PIK3C2G: variants seen among roughly 807,000 people sequenced by gnomAD.
The protein encoded by PIK3C2G is phosphatidylinositol 3-kinase C2 domain-containing subunit gamma.
Under a neutral mutation model 181.1 loss-of-function variants are expected in PIK3C2G, and 168 were observed. The observed-to-expected ratio is 0.93, with a 90% CI of 0.82 to 1.05. PIK3C2G has a LOEUF of 1.05. Ranked by LOEUF, PIK3C2G falls within the 50% of genes least tolerant of loss-of-function variation. The pLI, the probability that PIK3C2G is intolerant of heterozygous loss-of-function variation, is 0.00. For missense variants in PIK3C2G, 1,869 were observed against 1,732.8 expected, an observed-to-expected ratio of 1.08 and a Z score of -1.40; for synonymous variants, 573 against 592.2, an observed-to-expected ratio of 0.97 and a Z score of 0.47.
chr12:18,598,159 A>G (rs1947482065), intron 30 of PIK3C2G, among the ~76,000 whole-genome samples: 2 of 152,114 alleles, frequency 1.3e-5, no homozygotes, highest in Non-Finnish European at 2.9e-5. Flanking sequence ...TTTAAAGTTC[A>G]TATGGAACCA....
chr12:18,592,881 G>C (rs1327290642), intron 29 of PIK3C2G, among the ~76,000 whole-genome samples: 1 of 151,934 alleles, frequency 6.6e-6, no homozygotes, highest in Non-Finnish European at 1.5e-5. Context: ...TTCAGCATTA[G>C]ATGGTTTGCC....
At position 18,431,541 on chromosome 12, in the gene PIK3C2G, C is replaced by T. The variant is rs949435866; in HGVS notation, c.2504+7502C>T. ...TGTCAGTTTTAAATACTGATAAAGG[C>T]TTACAAATGAATACACAAAGGAGGT... On this transcript the variant is annotated intron_variant, in intron 18 of 32. Coordinates refer to ENST00000538779, the MANE Select transcript of PIK3C2G (RefSeq NM_001288772.2). Among the ~76,000 whole-genome samples, 23 of 152,208 alleles carry T rather than the reference C, an allele frequency of 1.5e-4. No individual in the cohort carries two copies. In the East Asian group the frequency reaches 2.1e-3, roughly 14 times the overall value.
chr12:18,444,629 A>T lies in PIK3C2G; in HGVS notation c.2504+20590A>T, dbSNP rs190489265. On this transcript the variant is annotated intron_variant, in intron 18 of 32. Coordinates refer to ENST00000538779, the MANE Select transcript of PIK3C2G (RefSeq NM_001288772.2). ...GGTGGTGGTGCTGTTGCTGCTGATGATGATGACAAATAACAACAATATCAA... is the reference window on the plus strand; with the variant it reads ...GGTGGTGGTGCTGTTGCTGCTGATGTTGATGACAAATAACAACAATATCAA... Among the ~76,000 whole-genome samples, 133 of 152,300 alleles carry T rather than the reference A, an allele frequency of 8.7e-4. No individual in the cohort carries two copies. The East Asian group carries it at 0.013, about 15-fold the overall frequency.
At chr12:18,624,635 T>C (rs1486732595) in intron 31 of PIK3C2G, among the ~76,000 whole-genome samples, 2 of 151,660 alleles carry the variant, frequency 1.3e-5, no homozygotes, top group African/African-American at 4.8e-5. Flanking sequence ...CATTAAATAT[T>C]TGATAGAATA....
intron 18 of PIK3C2G, among the ~76,000 whole-genome samples, chr12:18,481,308 C>A (rs745384355): frequency 1.3e-5 from 2 of 152,250 alleles, no homozygotes; most frequent in Non-Finnish European, 2.9e-5. Context: ...GCATCAGGCT[C>A]CCGGGTTGAC....
chr12:18,688,481 A>G, the PIK3C2G span, among the ~76,000 whole-genome samples: 4 of 152,002 alleles, frequency 2.6e-5, no homozygotes, highest in Non-Finnish European at 2.9e-5. Context: ...TTTTTGTTTT[A>G]AAATCATTTG....
intron 15 of PIK3C2G, among the ~76,000 whole-genome samples, chr12:18,394,025 T>C (rs374881296): frequency 6.6e-6 from 1 of 152,068 alleles, no homozygotes. Context: ...GTGGAAACTT[T>C]CCAGGGCCTA....
the PIK3C2G span, chr12:18,694,819 T>C: frequency 3.9e-6 from 4 of 1,035,860 alleles, no homozygotes; most frequent in Non-Finnish European, 5.6e-6. Flanking sequence ...TAAAAGAAAT[T>C]GAAGCAAATC....
chr12:18,633,367 C>T (rs768109028), intron 31 of PIK3C2G, among the ~76,000 whole-genome samples: 34 of 152,166 alleles, frequency 2.2e-4, no homozygotes, highest in Admixed American at 3.9e-4. Context: ...AGTAAATACT[C>T]ATGATACTTA....
At chr12:18,252,975 C>T (rs978743435) in intron 1 of PIK3C2G, among the ~76,000 whole-genome samples, 5 of 152,102 alleles carry the variant, frequency 3.3e-5, no homozygotes, top group South Asian at 2.1e-4. Flanking sequence ...TTTTGGAAGA[C>T]GTATGGGGAA....
chr12:18,325,516 G>A (rs1375714409), intron 8 of PIK3C2G, among the ~76,000 whole-genome samples: 2 of 152,004 alleles, frequency 1.3e-5, no homozygotes, highest in Non-Finnish European at 2.9e-5. Context: ...AGACCATCCT[G>A]GCCAACATGG....
intron 18 of PIK3C2G, among the ~76,000 whole-genome samples, chr12:18,458,106 C>A (rs1302485313): frequency 6.6e-6 from 1 of 152,094 alleles, no homozygotes; most frequent in Non-Finnish European, 1.5e-5. Flanking sequence ...TTATTTACTA[C>A]CTTCATCTTA....
intron 12 of PIK3C2G, among the ~76,000 whole-genome samples, chr12:18,364,413 G>T (rs1004693593): frequency 3.3e-5 from 5 of 152,012 alleles, no homozygotes; most frequent in Admixed American, 2.6e-4. Context: ...TCCCTTGCTT[G>T]GTCTAACCTG....
At chr12:18,500,834 C>G (rs1941415184) in intron 22 of PIK3C2G, among the ~76,000 whole-genome samples, 1 of 152,170 alleles carries the variant, frequency 6.6e-6, no homozygotes, top group Non-Finnish European at 1.5e-5. Context: ...AATCCTGCTG[C>G]TGCTCACTCT....
rs763576577 is a variant in PIK3C2G at position 18,488,454 on chromosome 12, T to C, written c.2510T>C (p.Leu837Pro). ...IQVAHRLYWL[L>P]KNAENEAYFK... ...TTTCTCTCTCTTTCCTTCAGGCTGC[T>C]AAAAAATGCAGAAAATGAAGCTTAT... The change falls in exon 19 of 33, where the codon CTA (leucine) becomes CCA (proline). Residue 837 changes from leucine to proline, a missense_variant. Transcript: ENST00000538779. The C allele has an allele frequency of 1.3e-6, 2 of 1,509,908 alleles. No individual in the cohort carries two copies. The highest frequency in any genetic ancestry group is 1.8e-6 in the Non-Finnish European group (2 of 1,129,768). The allele number at this position is 1,509,908 out of a possible 1,614,324, so 93.5% of individuals were successfully genotyped here.
chr12:18,423,999 C>T lies in PIK3C2G; in HGVS notation c.2464C>T (p.Arg822Cys), dbSNP rs994054948. 14 of 1,611,396 alleles carry T rather than the reference C, an allele frequency of 8.7e-6. No individual in the cohort carries two copies. Among genetic ancestry groups the T allele is most frequent in the Admixed American group, 6.7e-5 (4 of 59,752 alleles). Residue 822 changes from arginine to cysteine, a missense_variant, in exon 18 of 33, where the codon CGC (arginine) becomes TGC (cysteine). Transcript: ENST00000538779. ...ESPLVQLLLH[R>C]SLQSIQVAHR... ...TCCTTTAGTGCAACTTCTACTCCAC[C>T]GCTCCTTGCAGAGCATCCAGGTTGC...
intron 14 of PIK3C2G, among the ~76,000 whole-genome samples, chr12:18,382,909 A>C (rs1298999004): frequency 2.6e-5 from 4 of 152,148 alleles, no homozygotes; most frequent in African/African-American, 9.7e-5. Context: ...GGAAAAATTA[A>C]TGCTACTAAA....
In PIK3C2G at chr12:18,452,403, G is replaced by A. The variant is rs113197947; in HGVS notation, c.2504+28364G>A. On this transcript the variant is annotated intron_variant, in intron 18 of 32. Transcript: ENST00000538779. ...CTGGTGGTAGTTTATACTTCTGTGG[G>A]ATCAGTGGTGATATCCCCTTTATCA... Among the ~76,000 whole-genome samples, 5 of 152,052 alleles carry A rather than the reference G, an allele frequency of 3.3e-5. 1 individual carries two copies. Among genetic ancestry groups the A allele is most frequent in the African/African-American group, 9.6e-5 (4 of 41,486 alleles).
chr12:18,329,610 T>C (rs572597882), intron 8 of PIK3C2G, among the ~76,000 whole-genome samples: 1 of 152,200 alleles, frequency 6.6e-6, no homozygotes, highest in Non-Finnish European at 1.5e-5. Context: ...TGTTATTAGT[T>C]CATTTTCATT....
Sources: gnomAD v4.1 joint callset for allele counts (sites outside exome capture counted in the v4.1 genomes callset) on GRCh38, gnomAD v4.1.1 for gene constraint, MANE v1.5 for transcripts, NCBI Gene and HGNC (gene_info 2026-07-23, HGNC 2026-07-21) for gene names.